CFAP54: variants seen among roughly 807,000 people sequenced by gnomAD.
CFAP54 encodes cilia- and flagella-associated protein 54.
Under a neutral mutation model 370.4 loss-of-function variants are expected in CFAP54, and 290 were observed. That is an observed-to-expected ratio of 0.78 (90% CI 0.71 to 0.86). CFAP54 has a LOEUF of 0.86. Among genes scored for constraint, CFAP54 ranks in the 40% least tolerant of loss-of-function variants. CFAP54 has a pLI of 0.00. For synonymous variants in CFAP54, 1,206 were observed against 1,236.5 expected (o/e 0.98, Z 0.52); for missense variants, 3,399 against 3,528.7 (o/e 0.96, Z 0.93).
Position 96,500,744 on chromosome 12 carries a change from G to T in CFAP54, c.318-90G>T, listed in dbSNP as rs1285280031. 9 of 790,028 alleles carry T rather than the reference G, an allele frequency of 1.1e-5. No homozygotes were observed. The East Asian group carries it at 2.2e-4, about 19-fold the overall frequency. 48.9% of individuals were successfully genotyped at this position (790,028 alleles called of 1,614,324 possible). Reference sequence around the variant, plus strand: ...AATAAGGCACATTGGAAAGGCTTTAGCATAAGGTAAGTTTTAAAGGATTGC... The same window carrying T: ...AATAAGGCACATTGGAAAGGCTTTATCATAAGGTAAGTTTTAAAGGATTGC... On this transcript the variant is annotated intron_variant, in intron 1 of 67. Coordinates refer to ENST00000524981, the MANE Select transcript of CFAP54 (RefSeq NM_001306084.2).
chr12:96,739,272 A>G (rs1958021626), intron 50 of CFAP54, among the ~76,000 whole-genome samples: 2 of 152,188 alleles, frequency 1.3e-5, no homozygotes, highest in East Asian at 1.9e-4. Context: ...ACAGCTCTTA[A>G]TATATATCAT....
chr12:96,720,865 A>T (rs1371662374), intron 50 of CFAP54, among the ~76,000 whole-genome samples: 1 of 152,076 alleles, frequency 6.6e-6, no homozygotes, highest in South Asian at 2.1e-4. Flanking sequence ...CTACTAAAAT[A>T]TGAAAATTAA....
At chr12:96,837,576 GT>G (rs1959190264) in intron 66 of CFAP54, among the ~76,000 whole-genome samples, 1 of 152,164 alleles carries the variant, frequency 6.6e-6, no homozygotes, top group Non-Finnish European at 1.5e-5. Context: ...GTCTTGCTAT[GT>G]TTTATTCTCA....
At chr12:96,866,406 G>A (rs1960006914) in intron 67 of CFAP54, among the ~76,000 whole-genome samples, 2 of 152,184 alleles carry the variant, frequency 1.3e-5, no homozygotes, top group South Asian at 4.1e-4. Flanking sequence ...TATAAACCCT[G>A]TAAAATAACC....
rs557686958 is a variant in CFAP54, at chr12:96,494,307, A to AT, written c.317+4394dup. Among the ~76,000 whole-genome samples, 1,012 of 145,920 alleles carry AT rather than the reference A, an allele frequency of 6.9e-3. 5 individuals carry two copies. Among genetic ancestry groups the AT allele is most frequent in the Non-Finnish European group, 7.6e-3 (498 of 65,768 alleles). On this transcript the variant is annotated intron_variant, in intron 1 of 67. Coordinates refer to ENST00000524981, the MANE Select transcript of CFAP54 (RefSeq NM_001306084.2). ...TTTGGCAAAGGATTACCCTTATGTA[A>AT]TTTTTTTTTTTTTGAGACAGTCTCA...
In CFAP54 at chr12:96,657,983, T is replaced by G; in HGVS notation, c.5202T>G (p.Asp1734Glu). Residue 1734 changes from aspartate (D) to glutamate (E), a missense_variant, in exon 37 of 68, where the codon GAT (aspartate) becomes GAG (glutamate). Asp to Glu is a conservative substitution (Grantham distance 45, BLOSUM62 2). Coordinates refer to ENST00000524981, the MANE Select transcript of CFAP54 (RefSeq NM_001306084.2). ...SSLTFEHPLD[D>E]VNVVDLKWIH... ...TTACCTTTGAGCATCCTTTGGATGATGTAAATGTGGTTGATTTGAAATGGA... is the reference window on the plus strand; with the variant it reads ...TTACCTTTGAGCATCCTTTGGATGAGGTAAATGTGGTTGATTTGAAATGGA... 6.2e-7 allele frequency: 1 copy of G among 1,613,774 alleles called. No individual in the cohort carries two copies. Among genetic ancestry groups the G allele is most frequent in the Non-Finnish European group, 8.5e-7 (1 of 1,179,750 alleles).
At chr12:96,730,143 C>T (rs534466988) in intron 50 of CFAP54, among the ~76,000 whole-genome samples, 1 of 152,240 alleles carries the variant, frequency 6.6e-6, no homozygotes, top group South Asian at 2.1e-4. Flanking sequence ...AAAAGTCACC[C>T]AAGAGAAATC....
chr12:96,617,354 C>A (rs1319896810), intron 26 of CFAP54, among the ~76,000 whole-genome samples: 1 of 152,130 alleles, frequency 6.6e-6, no homozygotes, highest in African/African-American at 2.4e-5. Context: ...GATGCCACCA[C>A]CAGGGGGATG....
intron 61 of CFAP54, 41 bp downstream of exon 61, chr12:96,784,931 T>G: frequency 7.6e-7 from 1 of 1,319,966 alleles, no homozygotes; most frequent in Non-Finnish European, 9.9e-7. Flanking sequence ...TATTTCTTTC[T>G]AATTCCCATT....
chr12:96,606,946 A>T (rs1956308088), intron 26 of CFAP54, among the ~76,000 whole-genome samples: 1 of 152,158 alleles, frequency 6.6e-6, no homozygotes, highest in African/African-American at 2.4e-5. Flanking sequence ...TTGCAGTTTG[A>T]CCAGAGATCT....
At chr12:96,688,751 AT>A (rs527773791) in intron 42 of CFAP54, among the ~76,000 whole-genome samples, 164 bp from the exon 43 acceptor site, 25 of 151,954 alleles carry the variant, frequency 1.6e-4, no homozygotes, top group Admixed American at 6.6e-5. Context: ...ATTATAGGGG[AT>A]TTTTTATCTT....
At chr12:96,709,024 A>C (rs1957579350) in intron 48 of CFAP54, among the ~76,000 whole-genome samples, 1 of 152,234 alleles carries the variant, frequency 6.6e-6, no homozygotes, top group East Asian at 1.9e-4. Context: ...ATACACTATC[A>C]TATGTATACA....
rs143687787 is a variant in CFAP54, at chr12:96,597,754, A to G, written c.3517-891A>G. Among the ~76,000 whole-genome samples, 808 of 151,990 alleles carry G rather than the reference A, an allele frequency of 5.3e-3. 9 individuals carry two copies. Among genetic ancestry groups the G allele is most frequent in the African/African-American group, 0.018 (755 of 41,492 alleles). Reference sequence around the variant, plus strand: ...TGAAGGAAAAAATACACACTTCAGAAAAGTATTTATAAATCCCATTTTGTA... The same window carrying G: ...TGAAGGAAAAAATACACACTTCAGAGAAGTATTTATAAATCCCATTTTGTA... On this transcript the variant is annotated intron_variant, in intron 25 of 67. Transcript: ENST00000524981.
chr12:96,744,300 A>G (rs1171945646), intron 55 of CFAP54, among the ~76,000 whole-genome samples, 154 bp downstream of exon 55: 3 of 152,230 alleles, frequency 2.0e-5, no homozygotes, highest in Admixed American at 6.5e-5. Context: ...ATCACTTATC[A>G]TATGCCAGAC....
chr12:96,685,510 T>C (rs756715427), intron 42 of CFAP54, among the ~76,000 whole-genome samples: 27 of 152,086 alleles, frequency 1.8e-4, no homozygotes, highest in Non-Finnish European at 2.8e-4. Flanking sequence ...AAGTGCCAGA[T>C]ATGCAGCTGG....
At chr12:96,495,332 G>A (rs945914671) in intron 1 of CFAP54, among the ~76,000 whole-genome samples, 5 of 143,766 alleles carry the variant, frequency 3.5e-5, no homozygotes, top group African/African-American at 1.3e-4. Context: ...TTTTGAGACA[G>A]TGTCTTGTTC....
intron 4 of CFAP54, among the ~76,000 whole-genome samples, chr12:96,511,833 G>A: frequency 6.6e-6 from 1 of 152,186 alleles, no homozygotes; most frequent in Middle Eastern, 3.2e-3. Context: ...TAATTGTTGA[G>A]TTTTTATGGT....
intron 63 of CFAP54, among the ~76,000 whole-genome samples, chr12:96,798,807 G>A (rs1958791330): frequency 6.6e-6 from 1 of 152,102 alleles, no homozygotes; most frequent in Non-Finnish European, 1.5e-5. Context: ...AAATATACAT[G>A]AAGTATACTT....
At chr12:96,778,707 A>G (rs1028404880) in intron 60 of CFAP54, among the ~76,000 whole-genome samples, 4 of 152,182 alleles carry the variant, frequency 2.6e-5, no homozygotes, top group African/African-American at 9.7e-5. Context: ...TCAGGGGGTA[A>G]AAGGGATGTG....
Sources: gnomAD v4.1 joint callset for allele counts (sites outside exome capture counted in the v4.1 genomes callset) on GRCh38, gnomAD v4.1.1 for gene constraint, MANE v1.5 for transcripts, NCBI Gene and HGNC (gene_info 2026-07-23, HGNC 2026-07-21) for gene names.